The following SARNP variants were observed in gnomAD, a reference collection of about 807,000 sequenced individuals.
SARNP encodes SAP domain containing ribonucleoprotein.
SARNP carries 5 observed loss-of-function variants against 38.1 expected under a neutral mutation model. The observed-to-expected ratio is 0.13, with a 90% CI of 0.07 to 0.28. The LOEUF is 0.28. SARNP is among the 10% of genes least tolerant of loss of function. SARNP has a pLI of 1.00. For synonymous variants in SARNP, 84 were observed against 80.6 expected (o/e 1.04, Z -0.23); for missense variants, 180 against 243.9 (o/e 0.74, Z 1.75).
intron 9 of SARNP, among the ~76,000 whole-genome samples, chr12:55,763,029 G>A (rs1364309220): frequency 6.6e-6 from 1 of 152,110 alleles, no homozygotes; most frequent in African/African-American, 2.4e-5. Context: ...TCCTATACAA[G>A]TTATCATTTA....
chr12:55,806,990 G>A (rs563578106), intron 1 of SARNP, among the ~76,000 whole-genome samples: 4 of 152,052 alleles, frequency 2.6e-5, no homozygotes, highest in Non-Finnish European at 4.4e-5. Context: ...CAGTGGTCTC[G>A]CCATGTTGCC....
intron 1 of SARNP, among the ~76,000 whole-genome samples, chr12:55,807,612 C>T (rs995133799): frequency 1.3e-5 from 2 of 148,490 alleles, no homozygotes; most frequent in Non-Finnish European, 3.0e-5. Flanking sequence ...ACCATCCTGG[C>T]TAGCACGGTG....
intron 9 of SARNP, 114 bp from the exon 10 acceptor site, chr12:55,760,754 C>T (rs1043032444): frequency 1.0e-5 from 7 of 700,070 alleles, no homozygotes; most frequent in Non-Finnish European, 1.8e-5. Flanking sequence ...GTGCCAAGAA[C>T]TAAGGATCAC....
intron 9 of SARNP, among the ~76,000 whole-genome samples, chr12:55,783,898 G>A (rs1485273211): frequency 1.3e-5 from 2 of 151,990 alleles, no homozygotes; most frequent in Non-Finnish European, 2.9e-5. Context: ...TTGGAGACCA[G>A]CCTGGGCCAC....
At chr12:55,802,124 G>A (rs1287709195) in intron 2 of SARNP, among the ~76,000 whole-genome samples, 2 of 152,254 alleles carry the variant, frequency 1.3e-5, no homozygotes, top group Middle Eastern at 3.4e-3. Context: ...TGATAGGACA[G>A]TGCCAAGTTT....
chr12:55,777,693 G>A (rs544753279), intron 9 of SARNP, among the ~76,000 whole-genome samples: 14 of 152,002 alleles, frequency 9.2e-5, no homozygotes, highest in Non-Finnish European at 1.3e-4. Flanking sequence ...CTCTTAAAAT[G>A]TTCAACTTAT....
At chr12:55,806,078 A>T (rs992850253) in intron 1 of SARNP, among the ~76,000 whole-genome samples, 9 of 143,054 alleles carry the variant, frequency 6.3e-5, no homozygotes, top group African/African-American at 2.0e-4. Flanking sequence ...TGCCAGTTTT[A>T]AAAAAAAAAA....
At chr12:55,800,466 A>G in intron 4 of SARNP, 96 bp downstream of exon 4, 1 of 880,082 alleles carries the variant, frequency 1.1e-6, no homozygotes, top group Non-Finnish European at 1.8e-6. Flanking sequence ...GAAAAGGCCA[A>G]TGGGAACATG....
intron 9 of SARNP, among the ~76,000 whole-genome samples, chr12:55,782,418 G>T (rs1299415521): frequency 6.6e-6 from 1 of 152,044 alleles, no homozygotes; most frequent in African/African-American, 2.4e-5. Context: ...CCTTTCCGAG[G>T]GTGCCAATGT....
intron 9 of SARNP, among the ~76,000 whole-genome samples, chr12:55,763,789 C>T (rs1878746904): frequency 6.6e-6 from 1 of 152,110 alleles, no homozygotes; most frequent in Admixed American, 6.6e-5. Context: ...GGAGTAGGCA[C>T]AGCAATTAAA....
intron 1 of SARNP, among the ~76,000 whole-genome samples, chr12:55,807,450 G>A (rs1460907674): frequency 1.3e-5 from 2 of 151,902 alleles, no homozygotes; most frequent in African/African-American, 4.8e-5. Flanking sequence ...CGGGAGGATT[G>A]CCTGAATCCA....
At chr12:55,795,944 T>C in intron 5 of SARNP, 81 bp downstream of exon 5, 1 of 986,278 alleles carries the variant, frequency 1.0e-6, no homozygotes, top group South Asian at 1.5e-5. Context: ...GAATAAATTT[T>C]AGAGGATGAT....
intron 9 of SARNP, among the ~76,000 whole-genome samples, chr12:55,788,859 G>T (rs1879583162): frequency 6.6e-6 from 1 of 152,100 alleles, no homozygotes; most frequent in African/African-American, 2.4e-5. Context: ...CTGGGTGAAA[G>T]CTATGAAAAC....
chr12:55,756,034 G>A (rs1204304660), downstream of SARNP: 1 of 152,118 alleles, frequency 6.6e-6, no homozygotes, highest in Non-Finnish European at 1.5e-5. Context: ...CCATATTCAG[G>A]AAGAAACCAT....
At chr12:55,817,354 T>C (rs1013718353) in intron 1 of SARNP, among the ~76,000 whole-genome samples, 1 of 152,166 alleles carries the variant, frequency 6.6e-6, no homozygotes, top group Non-Finnish European at 1.5e-5. Context: ...CCAACTGACG[T>C]AATGCAGCCC....
At chr12:55,792,191 T>C (rs1023579330) in intron 7 of SARNP, among the ~76,000 whole-genome samples, 1 of 152,174 alleles carries the variant, frequency 6.6e-6, no homozygotes, top group Non-Finnish European at 1.5e-5. Flanking sequence ...AAATTTTTTT[T>C]TTCTAAAACA....
At chr12:55,781,394 C>T (rs1026215176) in intron 9 of SARNP, among the ~76,000 whole-genome samples, 2 of 151,916 alleles carry the variant, frequency 1.3e-5, no homozygotes, top group Non-Finnish European at 2.9e-5. Context: ...ATTAGCCAGG[C>T]GTTGTGGCGG....
intron 10 of SARNP, among the ~76,000 whole-genome samples, chr12:55,759,097 G>C (rs1346791934): frequency 1.3e-5 from 2 of 151,956 alleles, no homozygotes; most frequent in South Asian, 2.1e-4. Context: ...GCCCAGGCTA[G>C]TCTCCAACTC....
chr12:55,773,403 C>A (rs1879068993), intron 9 of SARNP, among the ~76,000 whole-genome samples: 1 of 152,116 alleles, frequency 6.6e-6, no homozygotes, highest in South Asian at 2.1e-4. Context: ...TTTATGCTTC[C>A]TACAAAAACT....
Sources: allele counts gnomAD v4.1 joint callset (sites outside exome capture counted in the v4.1 genomes callset), GRCh38; gene constraint gnomAD v4.1.1; transcripts MANE v1.5; gene names NCBI Gene and HGNC (gene_info 2026-07-23, HGNC 2026-07-21).